The following RAD51B variants were observed in gnomAD, a reference collection of about 807,000 sequenced individuals.
RAD51B encodes the protein RAD51 paralog B.
In RAD51B, 38 loss-of-function variants were observed where a neutral mutation model predicts 42.2. The ratio of observed to expected loss-of-function variants is 0.90; its 90% CI spans 0.70 to 1.18. The LOEUF is 1.18. Among genes scored for constraint, RAD51B ranks in the 50% most tolerant of loss-of-function variants. The pLI is 0.00. For synonymous variants in RAD51B, 154 were observed against 145.2 expected (o/e 1.06, Z -0.43); for missense variants, 373 against 400.7 (o/e 0.93, Z 0.59).
chr14:67,980,398 C>T (rs935724281), intron 7 of RAD51B, among the ~76,000 whole-genome samples: 1 of 152,122 alleles, frequency 6.6e-6, no homozygotes, highest in East Asian at 1.9e-4. Context: ...GAGCCAAGAT[C>T]GCGCCATTGC....
At chr14:67,835,027 G>T in intron 3 of RAD51B, 53 bp from the exon 4 acceptor site, 1 of 1,369,226 alleles carries the variant, frequency 7.3e-7, no homozygotes, top group Non-Finnish European at 1.0e-6. Flanking sequence ...GTTGGTTTAT[G>T]TTTTTGAATA....
rs558892947 is a variant in RAD51B, at chr14:68,604,034, T to A, written c.1037-6972T>A. Among the ~76,000 whole-genome samples the A allele has an allele frequency of 3.3e-5, 5 of 152,354 alleles. No individual in the cohort carries two copies. The East Asian group carries it at 9.7e-4, about 29-fold the overall frequency. On this transcript the variant is annotated intron_variant, in intron 10 of 10. Coordinates refer to the RAD51B transcript ENST00000487861. ...CGGCCTCAGGCCCTGAACTTTGTAT[T>A]TCTTAGCCCGCCAGGATTGCTGGCT...
intron 8 of RAD51B, among the ~76,000 whole-genome samples, chr14:68,329,607 C>A (rs1208213670): frequency 6.6e-6 from 1 of 152,102 alleles, no homozygotes; most frequent in Non-Finnish European, 1.5e-5. Flanking sequence ...ATTGCTAAAA[C>A]CCTGTAGAGG....
intron 11 of RAD51B, among the ~76,000 whole-genome samples, chr14:68,673,711 C>A (rs1169017911): frequency 2.0e-5 from 3 of 151,718 alleles, no homozygotes; most frequent in Non-Finnish European, 4.4e-5. Flanking sequence ...ACATACTGTA[C>A]ACACATCTAT....
chr14:68,251,607 G>C (rs150605801), intron 7 of RAD51B, among the ~76,000 whole-genome samples: 212 of 152,308 alleles, frequency 1.4e-3, no homozygotes, highest in African/African-American at 4.9e-3. Context: ...TGTCACATCT[G>C]TTCCTCTAGG....
At chr14:68,422,205 G>T in intron 9 of RAD51B, 1 of 1,050,254 alleles carries the variant, frequency 9.5e-7, no homozygotes, top group South Asian at 1.3e-5. Flanking sequence ...ATGGCTAATA[G>T]TACACGGTTT....
intron 8 of RAD51B, among the ~76,000 whole-genome samples, chr14:68,369,648 C>T (rs2083211726): frequency 6.6e-6 from 1 of 152,192 alleles, no homozygotes; most frequent in Non-Finnish European, 1.5e-5. Context: ...CTTTCACTTT[C>T]CCTATCGATA....
intron 7 of RAD51B, among the ~76,000 whole-genome samples, chr14:68,103,577 T>C (rs1341294812): frequency 2.0e-5 from 3 of 152,228 alleles, no homozygotes; most frequent in Non-Finnish European, 2.9e-5. Context: ...TTCGTTATAA[T>C]GTTTATGTCT....
chr14:68,400,229 C>T (rs2084059897), intron 8 of RAD51B, among the ~76,000 whole-genome samples: 1 of 152,180 alleles, frequency 6.6e-6, no homozygotes, highest in Non-Finnish European at 1.5e-5. Flanking sequence ...CTGGCTTTCT[C>T]CTTGTCCCAA....
chr14:68,047,205 G>T (rs1346054418), intron 7 of RAD51B, among the ~76,000 whole-genome samples: 1 of 151,948 alleles, frequency 6.6e-6, no homozygotes, highest in African/African-American at 2.4e-5. Flanking sequence ...ATGAATAGCA[G>T]GTGAACAACT....
intron 7 of RAD51B, among the ~76,000 whole-genome samples, chr14:68,110,216 C>T (rs1332531746): frequency 6.6e-6 from 1 of 151,886 alleles, no homozygotes; most frequent in African/African-American, 2.4e-5. Flanking sequence ...TTTTTTGAGG[C>T]ACTCTGTGGC....
intron 7 of RAD51B, among the ~76,000 whole-genome samples, chr14:67,967,973 C>T (rs1370319556): frequency 4.6e-5 from 7 of 152,228 alleles, no homozygotes; most frequent in Admixed American, 3.3e-4. Context: ...GCCTGGGCAT[C>T]CAGGTGTTTC....
chr14:68,292,142 A>T (rs1462164455), intron 8 of RAD51B, among the ~76,000 whole-genome samples, 162 bp downstream of exon 8: 1 of 152,070 alleles, frequency 6.6e-6, no homozygotes, highest in East Asian at 1.9e-4. Context: ...CTGGCATCTG[A>T]TCTCTTATAT....
chr14:68,453,946 C>T (rs1230700811), intron 9 of RAD51B, among the ~76,000 whole-genome samples: 1 of 152,044 alleles, frequency 6.6e-6, no homozygotes, highest in Non-Finnish European at 1.5e-5. Flanking sequence ...CAAAAGAAAA[C>T]TTAAAGTATA....
At chr14:67,829,772 C>CAGCCCTCTTG (rs1442508010) in intron 3 of RAD51B, among the ~76,000 whole-genome samples, 3 of 152,076 alleles carry the variant, frequency 2.0e-5, no homozygotes, top group African/African-American at 7.2e-5. Flanking sequence ...TTATACAGTC[C>CAGCCCTCTTG]AGCCCTCTTG....
downstream of RAD51B, among the ~76,000 whole-genome samples, chr14:68,480,241 T>G (rs1883067001): frequency 6.6e-6 from 1 of 152,032 alleles, no homozygotes; most frequent in Admixed American, 6.6e-5. Context: ...CCCGGTTAAC[T>G]TTTGTACTTT....
intron 7 of RAD51B, among the ~76,000 whole-genome samples, chr14:68,104,023 G>C (rs1228369292): frequency 1.3e-5 from 2 of 152,138 alleles, no homozygotes; most frequent in Non-Finnish European, 2.9e-5. Flanking sequence ...GGTTTCAGAA[G>C]AGCTGAGGTA....
Position 68,411,428 on chromosome 14 carries a change from T to G in RAD51B, c.858T>G (p.Thr286=). Residue 286 remains threonine, a synonymous_variant, in exon 9 of 11, where the codon ACT becomes ACG. Transcript: ENST00000471583. The part of the protein sequence containing the change: ...PADDLSLSEG[T]SGSSCVIAAL... ...GCTTTTACCATTTCATTTCAGGCAC[T>G]TCTGGATCCAGCTGTGTGATAGCCG... is the stretch of plus-strand genomic sequence containing the variant. 2 of 1,614,048 alleles carry G rather than the reference T, an allele frequency of 1.2e-6. No homozygotes were observed. The highest frequency in any genetic ancestry group is 1.7e-6 in the Non-Finnish European group (2 of 1,179,960).
intron 1 of RAD51B, among the ~76,000 whole-genome samples, chr14:67,822,482 G>C (rs892783839): frequency 4.6e-5 from 7 of 152,074 alleles, no homozygotes; most frequent in African/African-American, 1.7e-4. Context: ...TTCGAGACCA[G>C]CTTGGGCAAC....
Sources: allele counts gnomAD v4.1 joint callset (sites outside exome capture counted in the v4.1 genomes callset), GRCh38; gene constraint gnomAD v4.1.1; transcripts MANE v1.5; gene names NCBI Gene and HGNC (gene_info 2026-07-23, HGNC 2026-07-21).